The following HECW2 variants were observed in gnomAD, a reference collection of about 807,000 sequenced individuals.
The protein encoded by HECW2 is E3 ubiquitin-protein ligase HECW2.
Under a neutral mutation model 175.2 loss-of-function variants are expected in HECW2, and 61 were observed. The ratio of observed to expected loss-of-function variants is 0.35; its 90% CI spans 0.28 to 0.43. The LOEUF is 0.43. HECW2 is among the 20% of genes least tolerant of loss of function. HECW2 has a pLI of 1.00. For missense variants in HECW2, 1,524 were observed against 2,000.5 expected, an observed-to-expected ratio of 0.76 and a Z score of 4.54; for synonymous variants, 671 against 731.0, an observed-to-expected ratio of 0.92 and a Z score of 1.32.
intron 1 of HECW2, among the ~76,000 whole-genome samples, chr2:196,548,228 G>A (rs1689487100): frequency 6.6e-6 from 1 of 151,852 alleles, no homozygotes; most frequent in Admixed American, 6.6e-5. Context: ...TACTCAGGAG[G>A]CTGAGGCAGG....
chr2:196,254,358 A>G (rs1177720850), intron 18 of HECW2, among the ~76,000 whole-genome samples: 1 of 152,236 alleles, frequency 6.6e-6, no homozygotes, highest in Non-Finnish European at 1.5e-5. Context: ...ACAAAATAGA[A>G]AATGTTTATT....
intron 1 of HECW2, among the ~76,000 whole-genome samples, chr2:196,589,939 T>A (rs1691125211): frequency 6.6e-6 from 1 of 152,250 alleles, no homozygotes; most frequent in Admixed American, 6.5e-5. Flanking sequence ...ATTCACTATG[T>A]GTGTAAATAG....
chr2:196,431,338 T>A (rs965299927), intron 2 of HECW2, among the ~76,000 whole-genome samples: 6 of 152,188 alleles, frequency 3.9e-5, no homozygotes, highest in African/African-American at 1.4e-4. Context: ...CTGATTAAAT[T>A]TAGACAGGGA....
chr2:196,490,784 G>T (rs7557454), intron 1 of HECW2, among the ~76,000 whole-genome samples: 21,640 of 152,210 alleles, frequency 0.14, 1,593 homozygotes, highest in Middle Eastern at 0.22. Context: ...TATAAAGGAA[G>T]GAAGTAGTGA....
chr2:196,231,719 T>C (rs1237336142), intron 21 of HECW2, among the ~76,000 whole-genome samples: 3 of 152,216 alleles, frequency 2.0e-5, no homozygotes, highest in Non-Finnish European at 4.4e-5. Flanking sequence ...GCGGGGGCAG[T>C]GGCTCACGCC....
intron 2 of HECW2, among the ~76,000 whole-genome samples, chr2:196,391,158 T>C (rs913548076): frequency 6.6e-6 from 1 of 152,172 alleles, no homozygotes; most frequent in African/African-American, 2.4e-5. Flanking sequence ...TCTAAATATA[T>C]AGTCTCTCTG....
At chr2:196,278,801 A>G in intron 14 of HECW2, 139 bp from the exon 15 acceptor site, 1 of 953,070 alleles carries the variant, frequency 1.0e-6, no homozygotes, top group Non-Finnish European at 1.6e-6. Flanking sequence ...CTTTGGGGAA[A>G]TTTCTCCTTA....
Position 196,439,495 on chromosome 2 carries a change from C to T in HECW2, c.-35-6037G>A, listed in dbSNP as rs542718665. Among the ~76,000 whole-genome samples, 72 of 152,280 alleles carry T rather than the reference C, an allele frequency of 4.7e-4. 1 individual carries two copies. Among genetic ancestry groups the T allele is most frequent in the African/African-American group, 1.7e-3 (69 of 41,558 alleles). On this transcript the variant is annotated intron_variant, in intron 1 of 28. Coordinates refer to ENST00000644978, the MANE Select transcript of HECW2 (RefSeq NM_001348768.2). ...ATTAGCCACATTAGGTCATACAGGC[C>T]TTGAGTTACAGCTTAAGAAACTCAA...
chr2:196,569,168 C>T (rs1690287770), intron 1 of HECW2, among the ~76,000 whole-genome samples: 1 of 152,092 alleles, frequency 6.6e-6, no homozygotes, highest in Admixed American at 6.6e-5. Context: ...GAGACCCCAT[C>T]TCTCCAAAAA....
At chr2:196,311,960 G>A (rs912214082) in intron 10 of HECW2, among the ~76,000 whole-genome samples, 1 of 152,164 alleles carries the variant, frequency 6.6e-6, no homozygotes, top group African/African-American at 2.4e-5. Flanking sequence ...ACTACTCCAA[G>A]GTTACTGTCA....
intron 4 of HECW2, 105 bp from the exon 5 acceptor site, chr2:196,329,755 C>A: frequency 1.1e-6 from 1 of 879,386 alleles, no homozygotes. Flanking sequence ...TTGCATCAAA[C>A]GGGTATTGTA....
intron 1 of HECW2, among the ~76,000 whole-genome samples, chr2:196,578,157 A>G (rs1006471061): frequency 2.0e-5 from 3 of 152,184 alleles, no homozygotes; most frequent in South Asian, 2.1e-4. Context: ...AAGAATATCA[A>G]TATAAAGAAA....
intron 2 of HECW2, among the ~76,000 whole-genome samples, chr2:196,344,318 A>G (rs1230728752): frequency 8.6e-6 from 1 of 115,862 alleles, no homozygotes; most frequent in Non-Finnish European, 1.8e-5. Flanking sequence ...TTGAGACAAG[A>G]TAAGAAAAAA....
intron 6 of HECW2, 51 bp downstream of exon 6, chr2:196,324,929 C>G: frequency 6.9e-7 from 1 of 1,440,448 alleles, no homozygotes; most frequent in South Asian, 1.4e-5. Flanking sequence ...AAGAGAGAGA[C>G]TGGGCTGACT....
chr2:196,335,409 C>T (rs1477967391), intron 3 of HECW2, among the ~76,000 whole-genome samples: 3 of 152,254 alleles, frequency 2.0e-5, no homozygotes, highest in East Asian at 3.9e-4. Context: ...CCCAAGGTGT[C>T]GTTCTAAATA....
At chr2:196,512,749 G>A (rs1394760635) in intron 1 of HECW2, among the ~76,000 whole-genome samples, 2 of 151,938 alleles carry the variant, frequency 1.3e-5, no homozygotes, top group Non-Finnish European at 2.9e-5. Flanking sequence ...CAGTGCAGTG[G>A]TGCAATCTCA....
At chr2:196,591,257 C>T (rs899102850) in intron 1 of HECW2, among the ~76,000 whole-genome samples, 1 of 152,104 alleles carries the variant, frequency 6.6e-6, no homozygotes, top group African/African-American at 2.4e-5. Flanking sequence ...GAGTCTGCGG[C>T]CAAATGGTGG....
chr2:196,311,451 T>G (rs1228608449), intron 10 of HECW2, among the ~76,000 whole-genome samples: 1 of 152,180 alleles, frequency 6.6e-6, no homozygotes, highest in Non-Finnish European at 1.5e-5. Context: ...AACAAACCCA[T>G]GAGGCAAATG....
intron 2 of HECW2, among the ~76,000 whole-genome samples, chr2:196,353,719 A>C (rs1451327847): frequency 6.6e-6 from 1 of 152,132 alleles, no homozygotes; most frequent in Non-Finnish European, 1.5e-5. Flanking sequence ...ATGTTTGCCC[A>C]CCCTTTCCCC....
Sources: gnomAD v4.1 joint callset for allele counts (sites outside exome capture counted in the v4.1 genomes callset) on GRCh38, gnomAD v4.1.1 for gene constraint, MANE v1.5 for transcripts, NCBI Gene and HGNC (gene_info 2026-07-23, HGNC 2026-07-21) for gene names.